Variants in ADAMTSL1 observed in about 807,000 individuals in gnomAD.
The protein encoded by ADAMTSL1 is ADAMTS-like protein 1.
In ADAMTSL1, 126 loss-of-function variants were observed where a neutral mutation model predicts 201.8. The ratio of observed to expected loss-of-function variants is 0.62; its 90% CI spans 0.54 to 0.72. The LOEUF (loss-of-function observed/expected upper bound fraction) is 0.72. Ranked by LOEUF, ADAMTSL1 falls within the 30% of genes least tolerant of loss-of-function variation. ADAMTSL1 has a pLI of 0.00. For missense variants in ADAMTSL1, 2,679 were observed against 2,277.8 expected, an observed-to-expected ratio of 1.18 and a Z score of -3.59; for synonymous variants, 1,121 against 903.4, an observed-to-expected ratio of 1.24 and a Z score of -4.32.
intron 1 of ADAMTSL1, among the ~76,000 whole-genome samples, chr9:18,126,954 T>C (rs1825756253): frequency 6.6e-6 from 1 of 152,166 alleles, no homozygotes; most frequent in Non-Finnish European, 1.5e-5. Context: ...GTAACCAGTA[T>C]GCCTTCTGCC....
chr9:18,115,320 A>G (rs1394568460), intron 1 of ADAMTSL1, among the ~76,000 whole-genome samples: 1 of 152,174 alleles, frequency 6.6e-6, no homozygotes, highest in Non-Finnish European at 1.5e-5. Flanking sequence ...TCTACCAGGC[A>G]TGCTGCAGGC....
chr9:18,440,908 A>G (rs979105653), intron 2 of ADAMTSL1, among the ~76,000 whole-genome samples: 2 of 152,258 alleles, frequency 1.3e-5, no homozygotes, highest in Admixed American at 1.3e-4. Context: ...GTAGACCCAT[A>G]TTAGCGGCTC....
At chr9:18,414,824 A>G (rs1184195385) in intron 2 of ADAMTSL1, among the ~76,000 whole-genome samples, 1 of 152,190 alleles carries the variant, frequency 6.6e-6, no homozygotes, top group Non-Finnish European at 1.5e-5. Context: ...CTGTTAAAAA[A>G]CCACACATTA....
intron 2 of ADAMTSL1, among the ~76,000 whole-genome samples, chr9:18,253,514 A>G (rs1417138741): frequency 1.3e-5 from 2 of 152,198 alleles, no homozygotes; most frequent in African/African-American, 4.8e-5. Flanking sequence ...TTCCCCCATT[A>G]CTATAGGAAG....
At chr9:18,852,458 C>T (rs574564652) in intron 23 of ADAMTSL1, among the ~76,000 whole-genome samples, 1 of 151,546 alleles carries the variant, frequency 6.6e-6, no homozygotes, top group South Asian at 2.1e-4. Flanking sequence ...AGAATGCCCT[C>T]AGAAGCCAGA....
At chr9:18,833,300 G>C (rs1033739892) in intron 23 of ADAMTSL1, among the ~76,000 whole-genome samples, 2 of 152,172 alleles carry the variant, frequency 1.3e-5, no homozygotes, top group Non-Finnish European at 2.9e-5. Context: ...CACAATGGTT[G>C]AACTAATTTA....
intron 23 of ADAMTSL1, among the ~76,000 whole-genome samples, chr9:18,858,110 C>A (rs1377831957): frequency 6.6e-6 from 1 of 152,082 alleles, no homozygotes; most frequent in South Asian, 2.1e-4. Context: ...CTAATATAAT[C>A]ATTTCTATAT....
At chr9:18,478,502 C>T (rs1821571662) in intron 1 of ADAMTSL1, among the ~76,000 whole-genome samples, 1 of 152,108 alleles carries the variant, frequency 6.6e-6, no homozygotes. Flanking sequence ...TTTAATTCTT[C>T]ATATTTTCAG....
intron 1 of ADAMTSL1, among the ~76,000 whole-genome samples, chr9:18,078,538 G>A (rs1247238619): frequency 1.3e-5 from 2 of 152,162 alleles, no homozygotes; most frequent in Non-Finnish European, 2.9e-5. Flanking sequence ...AGAGGAAAGA[G>A]GAACAGAAGG....
chr9:18,802,891 A>T (rs1822888195), intron 20 of ADAMTSL1, among the ~76,000 whole-genome samples: 1 of 152,206 alleles, frequency 6.6e-6, no homozygotes, highest in African/African-American at 2.4e-5. Context: ...CATTTTAATT[A>T]CAGCCAGCCT....
At chr9:17,943,666 C>G (rs1340187060) in intron 1 of ADAMTSL1, among the ~76,000 whole-genome samples, 1 of 152,058 alleles carries the variant, frequency 6.6e-6, no homozygotes, top group Non-Finnish European at 1.5e-5. Flanking sequence ...GGAGCCCTTC[C>G]TCATGACTTC....
intron 1 of ADAMTSL1, among the ~76,000 whole-genome samples, chr9:18,499,358 G>A (rs1822710543): frequency 6.6e-6 from 1 of 152,302 alleles, no homozygotes; most frequent in South Asian, 2.1e-4. Flanking sequence ...TCAGGAGCAG[G>A]GAATCACAAC....
At chr9:18,066,776 G>A (rs1338776531) in intron 1 of ADAMTSL1, among the ~76,000 whole-genome samples, 1 of 152,102 alleles carries the variant, frequency 6.6e-6, no homozygotes, top group African/African-American at 2.4e-5. Flanking sequence ...AGAAAATGTG[G>A]CACATATACA....
chr9:17,968,715 G>T (rs938674967), intron 1 of ADAMTSL1, among the ~76,000 whole-genome samples: 1 of 152,096 alleles, frequency 6.6e-6, no homozygotes, highest in Non-Finnish European at 1.5e-5. Flanking sequence ...GTCATGCACT[G>T]GCTGGCCCCA....
chr9:18,826,827 G>A (rs1288188168), intron 22 of ADAMTSL1, among the ~76,000 whole-genome samples: 2 of 152,176 alleles, frequency 1.3e-5, no homozygotes, highest in East Asian at 3.8e-4. Context: ...CTGCATTAAG[G>A]ACTTCTTTGA....
At chr9:18,295,904 G>C (rs1335430133) in intron 2 of ADAMTSL1, among the ~76,000 whole-genome samples, 1 of 152,118 alleles carries the variant, frequency 6.6e-6, no homozygotes, top group South Asian at 2.1e-4. Context: ...CCTTATGTTG[G>C]AGAGATCTGT....
chr9:18,718,280 G>C, intron 14 of ADAMTSL1: 1 of 757,830 alleles, frequency 1.3e-6, no homozygotes, highest in South Asian at 1.4e-5. Context: ...GTGCTTTGAT[G>C]GAATAAACTA....
At chr9:18,136,074 G>A (rs1424461858) in intron 1 of ADAMTSL1, among the ~76,000 whole-genome samples, 1 of 152,096 alleles carries the variant, frequency 6.6e-6, no homozygotes, top group African/African-American at 2.4e-5. Flanking sequence ...GCCTCGCACT[G>A]CCTCCCTCAG....
chr9:18,835,125 A>G (rs1466474811), intron 23 of ADAMTSL1, among the ~76,000 whole-genome samples: 1 of 152,034 alleles, frequency 6.6e-6, no homozygotes, highest in Non-Finnish European at 1.5e-5. Context: ...TCCTCACCAA[A>G]GCTTACTGTA....
Sources: allele counts gnomAD v4.1 joint callset (sites outside exome capture counted in the v4.1 genomes callset), GRCh38; gene constraint gnomAD v4.1.1; transcripts MANE v1.5; gene names NCBI Gene and HGNC (gene_info 2026-07-23, HGNC 2026-07-21).